Variants in ARHGAP29 observed in about 807,000 individuals in gnomAD.
ARHGAP29 encodes Rho GTPase activating protein 29.
A neutral mutation model predicts 122.6 loss-of-function variants in ARHGAP29; 43 were observed. The observed-to-expected ratio is 0.35, with a 90% CI of 0.27 to 0.45. ARHGAP29 has a LOEUF of 0.45. ARHGAP29 is among the 20% of genes least tolerant of loss of function. ARHGAP29 has a pLI of 1.00. For synonymous variants in ARHGAP29, 506 were observed against 497.1 expected, an observed-to-expected ratio of 1.02 and a Z score of -0.24; for missense variants, 1,303 against 1,477.2, an observed-to-expected ratio of 0.88 and a Z score of 1.93.
intron 20 of ARHGAP29, among the ~76,000 whole-genome samples, chr1:94,178,867 T>C (rs548649848): frequency 1.3e-5 from 2 of 152,336 alleles, no homozygotes; most frequent in African/African-American, 4.8e-5. Context: ...AATTCACTTA[T>C]ATTTCTCAGA....
chr1:94,283,734 G>A, the ARHGAP29 span, among the ~76,000 whole-genome samples: 2 of 152,218 alleles, frequency 1.3e-5, no homozygotes, highest in South Asian at 4.1e-4. Context: ...GCATAATTTA[G>A]CAGAAAATGG....
chr1:94,271,036 G>A (rs1371472095), intron 1 of ARHGAP29, among the ~76,000 whole-genome samples: 1 of 152,204 alleles, frequency 6.6e-6, no homozygotes, highest in East Asian at 1.9e-4. Flanking sequence ...CTGCAACCAA[G>A]ATGTTGGCTG....
chr1:94,283,277 G>C, the ARHGAP29 span, among the ~76,000 whole-genome samples: 49,870 of 151,816 alleles, frequency 0.33, 8,650 homozygotes, highest in South Asian at 0.41. Context: ...CATCATTAAG[G>C]ATATTCTGCA....
intron 1 of ARHGAP29, among the ~76,000 whole-genome samples, chr1:94,273,065 T>C (rs980754539): frequency 6.6e-6 from 1 of 152,180 alleles, no homozygotes; most frequent in Admixed American, 6.5e-5. Flanking sequence ...CTATGGTCAA[T>C]TGGACACTGT....
intron 1 of ARHGAP29, among the ~76,000 whole-genome samples, chr1:94,254,301 A>G (rs1654238009): frequency 2.6e-5 from 4 of 152,212 alleles, no homozygotes; most frequent in African/African-American, 9.6e-5. Context: ...GCTACATGGT[A>G]CTAGAATATA....
rs182157554 is a variant in ARHGAP29 at position 94,204,848 on chromosome 1, T to C, written c.697+213A>G. On this transcript the variant is annotated intron_variant, in intron 7 of 22. Transcript: ENST00000260526. The stretch of plus-strand genomic sequence containing the variant: ...CTTTGAAGGCAGAGACAGTATTCTA[T>C]TTGTCTTTGTGTCCCTAGGTCTAGT... Among the ~76,000 whole-genome samples the C allele has an allele frequency of 7.3e-4, 111 of 152,312 alleles. 1 individual carries two copies. The highest frequency in any genetic ancestry group is 2.3e-3 in the African/African-American group (97 of 41,576).
chr1:94,239,714 G>C (rs1030983232), upstream of ARHGAP29, among the ~76,000 whole-genome samples: 1 of 151,842 alleles, frequency 6.6e-6, no homozygotes, highest in East Asian at 1.9e-4. Flanking sequence ...AAGGAAAGAG[G>C]GTCATTTCTC....
chr1:94,230,239 C>T (rs1409391120), intron 2 of ARHGAP29, among the ~76,000 whole-genome samples: 1 of 151,582 alleles, frequency 6.6e-6, no homozygotes, highest in South Asian at 2.1e-4. Flanking sequence ...AAATTTACTA[C>T]CATTATAATA....
At position 94,178,092 on chromosome 1, in the gene ARHGAP29, C is replaced by T. The variant is rs1329754126; in HGVS notation, c.2556G>A (p.Arg852=). 3 of 1,614,134 alleles carry T rather than the reference C, an allele frequency of 1.9e-6. No individual in the cohort carries two copies. The highest frequency in any genetic ancestry group is 1.7e-6 in the Non-Finnish European group (2 of 1,180,020). ...TGATAGGAGCAGTTGTGGGCCTTGGCCTAATGAGACTTGGTCCAAATATCA... is the reference window on the plus strand; with the variant it reads ...TGATAGGAGCAGTTGTGGGCCTTGGTCTAATGAGACTTGGTCCAAATATCA... ...LGVIFGPSLI[R]PRPTTAPITI... is the part of the protein sequence containing the mutation. The change falls in exon 21 of 23, where the codon AGG becomes AGA. Residue 852 remains arginine, a synonymous_variant. Transcript: ENST00000260526.
chr1:94,201,146 T>C (rs534573784), intron 12 of ARHGAP29, among the ~76,000 whole-genome samples: 1 of 152,314 alleles, frequency 6.6e-6, no homozygotes, highest in African/African-American at 2.4e-5. Context: ...GAAGAATATA[T>C]CTCAGAGCAC....
rs1262074770 is a variant in ARHGAP29, at chr1:94,174,743, G to A, written c.2912C>T (p.Ala971Val). The A allele has an allele frequency of 1.2e-6, 2 of 1,610,520 alleles. No individual in the cohort carries two copies. The highest frequency in any genetic ancestry group is 8.5e-7 in the Non-Finnish European group (1 of 1,178,680). ...GKCDACLSDK[A>V]QLLLDQEAES... Reference sequence around the variant, plus strand: ...AGCCTCTTGGTCTAGAAGCAACTGTGCTTTGTCTGAAAATGAAAGAAATCT... The same window carrying A: ...AGCCTCTTGGTCTAGAAGCAACTGTACTTTGTCTGAAAATGAAAGAAATCT... Residue 971 changes from alanine (A) to valine (V), a missense_variant, in exon 23 of 23, where the codon GCA becomes GTA. By Grantham distance (64) the Ala-to-Val change is moderately conservative. This residue lies in a region of ARHGAP29 where 620 missense variants were observed against 651.2 expected (regional missense o/e 0.95). Coordinates refer to ENST00000260526, the MANE Select transcript of ARHGAP29 (RefSeq NM_004815.4).
chr1:94,296,473 C>A, the ARHGAP29 span, among the ~76,000 whole-genome samples: 2 of 152,246 alleles, frequency 1.3e-5, no homozygotes, highest in East Asian at 1.9e-4. Flanking sequence ...TAGGTAAGTA[C>A]GCACAGGAAA....
At chr1:94,303,759 G>T in the ARHGAP29 span, among the ~76,000 whole-genome samples, 2 of 152,124 alleles carry the variant, frequency 1.3e-5, no homozygotes, top group African/African-American at 4.8e-5. Flanking sequence ...GGAGATTTGG[G>T]GGTTAAGTAA....
At chr1:94,269,430 A>T (rs572374067) in intron 1 of ARHGAP29, among the ~76,000 whole-genome samples, 1 of 152,332 alleles carries the variant, frequency 6.6e-6, no homozygotes, top group South Asian at 2.1e-4. Context: ...AGATACTAAT[A>T]GTCTGTAAGT....
chr1:94,189,491 C>T, intron 13 of ARHGAP29, 139 bp from the exon 14 acceptor site: 2 of 1,056,756 alleles, frequency 1.9e-6, no homozygotes, highest in Non-Finnish European at 2.6e-6. Context: ...ACAAACCACA[C>T]TCATGGTTCA....
rs1480580874 is a variant in ARHGAP29 at position 94,170,533 on chromosome 1, TTGAA to T, written c.*3332_*3335del. ...TACTGAGGCAATCAAAATCAGCAGA[TTGAA>T]TGTGGTCTATGGATTAGATATCATG... On this transcript the variant is annotated 3_prime_UTR_variant, in exon 23 of 23. Coordinates refer to ENST00000260526, the MANE Select transcript of ARHGAP29 (RefSeq NM_004815.4). Among the ~76,000 whole-genome samples the T allele has an allele frequency of 6.6e-6, 1 of 152,188 alleles. No homozygotes were observed. The highest frequency in any genetic ancestry group is 1.5e-5 in the Non-Finnish European group (1 of 68,036).
At chr1:94,192,066 T>C (rs1021621500) in intron 12 of ARHGAP29, 5 of 152,198 alleles carry the variant, frequency 3.3e-5, no homozygotes, top group African/African-American at 9.6e-5. Context: ...ATAATTCTTT[T>C]AAATCCTTTC....
chr1:94,214,226 T>C (rs932211171), intron 3 of ARHGAP29, among the ~76,000 whole-genome samples: 4 of 152,190 alleles, frequency 2.6e-5, no homozygotes, highest in African/African-American at 9.7e-5. Context: ...GCACCCAGAG[T>C]ACAGTGCTTG....
chr1:94,277,035 T>A (rs940826303), upstream of ARHGAP29, among the ~76,000 whole-genome samples: 1 of 152,166 alleles, frequency 6.6e-6, no homozygotes, highest in Admixed American at 6.5e-5. Flanking sequence ...AAATTGTTAC[T>A]GTGGCCTTTA....
Sources: gnomAD v4.1 joint callset for allele counts (sites outside exome capture counted in the v4.1 genomes callset) on GRCh38, gnomAD v4.1.1 for gene constraint, gnomAD v4.1.1 regional missense constraint, MANE v1.5 for transcripts, NCBI Gene and HGNC (gene_info 2026-07-23, HGNC 2026-07-21) for gene names.